Variants in ANKRD18B observed in about 807,000 individuals in gnomAD.
The protein encoded by ANKRD18B is ankyrin repeat domain 18B.
ANKRD18B carries 75 observed loss-of-function variants against 111.8 expected under a neutral mutation model. The ratio of observed to expected loss-of-function variants is 0.67; its 90% CI spans 0.56 to 0.81. The LOEUF is 0.81. ANKRD18B is among the 40% of genes least tolerant of loss of function. The probability of loss-of-function intolerance (pLI) is 0.00; values close to 1 mark genes in which losing one functional copy is unlikely to be tolerated. For synonymous variants in ANKRD18B, 356 were observed against 417.3 expected (o/e 0.85, Z 1.79); for missense variants, 1,038 against 1,225.5 (o/e 0.85, Z 2.28).
At chr9:33,545,423 C>G (rs1385991857) in intron 10 of ANKRD18B, among the ~76,000 whole-genome samples, 1 of 152,156 alleles carries the variant, frequency 6.6e-6, no homozygotes, top group Non-Finnish European at 1.5e-5. Flanking sequence ...TTTGCTCACT[C>G]CAAAGAATGG....
chr9:33,527,431 C>T (rs1425595015), intron 1 of ANKRD18B, among the ~76,000 whole-genome samples: 1 of 152,082 alleles, frequency 6.6e-6, no homozygotes, highest in African/African-American at 2.4e-5. Flanking sequence ...AAGCGATTAT[C>T]CTGCCTCAGC....
downstream of ANKRD18B, among the ~76,000 whole-genome samples, chr9:33,575,015 G>A (rs981010589): frequency 1.3e-5 from 2 of 152,192 alleles, no homozygotes; most frequent in Non-Finnish European, 2.9e-5. Flanking sequence ...CTCAGACTCA[G>A]GTGAGTGGGA....
intron 5 of ANKRD18B, 26 bp from the exon 6 acceptor site, chr9:33,536,852 A>T: frequency 7.6e-7 from 1 of 1,323,466 alleles, no homozygotes; most frequent in Non-Finnish European, 1.0e-6. Flanking sequence ...TTAAAATACT[A>T]ATTTTATTAC....
At chr9:33,553,104 T>C (rs915079482) in intron 12 of ANKRD18B, among the ~76,000 whole-genome samples, 4 of 150,734 alleles carry the variant, frequency 2.7e-5, no homozygotes, top group African/African-American at 9.7e-5. Context: ...CTCATGCCAG[T>C]AATTCTAGCA....
At chr9:33,532,915 T>C (rs943415898) in intron 3 of ANKRD18B, among the ~76,000 whole-genome samples, 21 of 152,240 alleles carry the variant, frequency 1.4e-4, no homozygotes, top group Non-Finnish European at 5.9e-5. Flanking sequence ...AGTTTTGTAA[T>C]ACTTCTCAAA....
intron 3 of ANKRD18B, among the ~76,000 whole-genome samples, chr9:33,530,384 T>C (rs1270248159): frequency 6.6e-6 from 1 of 152,096 alleles, no homozygotes; most frequent in African/African-American, 2.4e-5. Flanking sequence ...GGTGGGAGGA[T>C]TGCTTGAGCC....
intron 5 of ANKRD18B, among the ~76,000 whole-genome samples, chr9:33,535,689 T>A (rs1003991976): frequency 6.8e-6 from 1 of 147,112 alleles, no homozygotes; most frequent in Admixed American, 6.8e-5. Context: ...TATTGTATAT[T>A]ATATGTAATT....
Position 33,541,170 on chromosome 9 carries a change from A to C in ANKRD18B, c.1021A>C (p.Asn341His). 1 of 1,544,774 alleles carries C rather than the reference A, an allele frequency of 6.5e-7. No homozygotes were observed. Among genetic ancestry groups the C allele is most frequent in the East Asian group, 2.4e-5 (1 of 40,874 alleles). The stretch of plus-strand genomic sequence containing the variant: ...AGAAACAGCAGCTATGAAGCCTGAA[A>C]ATTTGAAAAAAAGAAAAAAAAGAAA... ...CPETAAMKPE[N>H]LKKRKKRKKL... Residue 341 changes from asparagine (N) to histidine (H), a missense_variant, in exon 9 of 19, where the codon AAT becomes CAT. Transcript: ENST00000684830.
chr9:33,561,554 C>A (rs1232450604), intron 14 of ANKRD18B, among the ~76,000 whole-genome samples: 1 of 152,144 alleles, frequency 6.6e-6, no homozygotes, highest in Non-Finnish European at 1.5e-5. Context: ...TCATTGAATC[C>A]ATTTTTCCTT....
intron 16 of ANKRD18B, 91 bp downstream of exon 16, chr9:33,567,405 A>T (rs1161430447): frequency 1.8e-6 from 2 of 1,113,766 alleles, no homozygotes; most frequent in African/African-American, 1.6e-5. Flanking sequence ...TCAGGAGATC[A>T]GTAGGAAGTG....
chr9:33,552,838 C>T (rs1828466925), intron 12 of ANKRD18B, among the ~76,000 whole-genome samples: 1 of 151,800 alleles, frequency 6.6e-6, no homozygotes. Flanking sequence ...CAAATCTTAC[C>T]TGTAGCTCAC....
intron 4 of ANKRD18B, chr9:33,533,757 G>C: frequency 9.9e-7 from 1 of 1,007,032 alleles, no homozygotes; most frequent in Non-Finnish European, 1.3e-6. Flanking sequence ...TTCTCTTATA[G>C]ACTGTTATTT....
intron 12 of ANKRD18B, among the ~76,000 whole-genome samples, chr9:33,551,024 T>C (rs1309716781): frequency 6.6e-6 from 1 of 152,198 alleles, no homozygotes; most frequent in African/African-American, 2.4e-5. Flanking sequence ...TAGGTTAACT[T>C]GTACAGAAAG....
At chr9:33,566,607 G>A (rs13285015) in intron 15 of ANKRD18B, 107 bp downstream of exon 15, 771 of 1,349,056 alleles carry the variant, frequency 5.7e-4, no homozygotes, top group Non-Finnish European at 6.9e-4. Context: ...CCTCTCTTAC[G>A]GCAATTTCCT....
intron 14 of ANKRD18B, among the ~76,000 whole-genome samples, chr9:33,563,082 A>G (rs1421317675): frequency 6.6e-6 from 1 of 152,168 alleles, no homozygotes; most frequent in Admixed American, 6.6e-5. Context: ...CCTCCTCAGC[A>G]GCTTACACCT....
chr9:33,548,418 A>G lies in ANKRD18B; in HGVS notation c.1630A>G (p.Thr544Ala). Residue 544 changes from threonine to alanine, a missense_variant, in exon 11 of 19, where the codon ACT becomes GCT. By Grantham distance (58) the Thr-to-Ala change is moderately conservative. Around this residue, in one of 4 missense-constraint regions of ANKRD18B, gnomAD observed 524 missense variants for 677.9 expected, o/e 0.77. Coordinates refer to ENST00000684830, the MANE Select transcript of ANKRD18B (RefSeq NM_001393611.1). ...ACTAACAGATAAGAATGAGTTGCTT[A>G]CTGAACAGGTCCATAAAGCTCGGGT... ...SQLTDKNELL[T>A]EQVHKARVKF... 1.3e-6 allele frequency: 2 copies of G among 1,551,266 alleles called. No homozygotes were observed. The highest frequency in any genetic ancestry group is 1.7e-6 in the Non-Finnish European group (2 of 1,146,662).
In ANKRD18B at chr9:33,568,872, C is replaced by T. The variant is rs1263447681; in HGVS notation, c.3156C>T (p.Asn1052=). Residue 1052 remains asparagine, a synonymous_variant, in exon 17 of 19, where the codon AAC becomes AAT. Transcript: ENST00000684830. ...CTTCAAACCCACAGACTTCAAATAACTGCAAGAACTCCTTGACTGAGGTTA... is the reference window on the plus strand; with the variant it reads ...CTTCAAACCCACAGACTTCAAATAATTGCAAGAACTCCTTGACTGAGGTTA... ...IPTSNPQTSN[N]CKNSLTEMEL... is the part of the protein sequence containing the mutation. 6.5e-7 allele frequency: 1 copy of T among 1,550,276 alleles called. No homozygotes were observed. The highest frequency in any genetic ancestry group is 2.0e-5 in the Admixed American group (1 of 50,780).
chr9:33,527,043 G>A lies in ANKRD18B; in HGVS notation c.207-1684G>A, dbSNP rs1245037561. ...CTTTATGTTTACCTGTTCTGCCTGA[G>A]CAAGATGAGAGATTTAAAATGGGAA... On this transcript the variant is annotated intron_variant, in intron 1 of 18. Transcript: ENST00000684830. Among the ~76,000 whole-genome samples, 18 of 152,270 alleles carry A rather than the reference G, an allele frequency of 1.2e-4. No individual in the cohort carries two copies. In the East Asian group the frequency reaches 2.7e-3, roughly 23 times the overall value.
intron 13 of ANKRD18B, among the ~76,000 whole-genome samples, chr9:33,557,696 G>A (rs946025158): frequency 6.6e-6 from 1 of 151,992 alleles, no homozygotes; most frequent in African/African-American, 2.4e-5. Flanking sequence ...GCTGAGACAG[G>A]AGAATCACTT....
Sources: gnomAD v4.1 joint callset for allele counts (sites outside exome capture counted in the v4.1 genomes callset) on GRCh38, gnomAD v4.1.1 for gene constraint, gnomAD v4.1.1 regional missense constraint, MANE v1.5 for transcripts, NCBI Gene and HGNC (gene_info 2026-07-23, HGNC 2026-07-21) for gene names.